GRID2: variants seen among roughly 807,000 people sequenced by gnomAD.
The protein encoded by GRID2 is glutamate receptor ionotropic, delta-2.
GRID2 carries 33 observed loss-of-function variants against 114.8 expected under a neutral mutation model. That is an observed-to-expected ratio of 0.29 (90% CI 0.22 to 0.38). The LOEUF is 0.38. Ranked by LOEUF, GRID2 falls within the 10% of genes least tolerant of loss-of-function variation. The pLI is 1.00. For synonymous variants in GRID2, 505 were observed against 449.9 expected, an observed-to-expected ratio of 1.12 and a Z score of -1.55; for missense variants, 1,184 against 1,257.7, an observed-to-expected ratio of 0.94 and a Z score of 0.89.
chr4:92,877,965 C>T (rs1745752273), intron 2 of GRID2, among the ~76,000 whole-genome samples: 1 of 152,060 alleles, frequency 6.6e-6, no homozygotes, highest in Non-Finnish European at 1.5e-5. Context: ...GTTTCTTGCT[C>T]CCCAGGTATT....
At chr4:93,101,508 G>A (rs1000811429) in intron 3 of GRID2, among the ~76,000 whole-genome samples, 9 of 152,006 alleles carry the variant, frequency 5.9e-5, no homozygotes, top group African/African-American at 2.2e-4. Flanking sequence ...TATCTGCTTA[G>A]ATGCTGACCA....
rs1752580213 is a variant in GRID2, at chr4:93,280,942, C to T, written c.1245+42452C>T. 2.6e-5 allele frequency among the ~76,000 whole-genome samples: 4 copies of T among 151,960 alleles called. No homozygotes were observed. In the South Asian group the frequency reaches 8.3e-4, roughly 32 times the overall value. ...CACAGAACACAGAATGTACAGAATACACAAAAATAAACAAAAATCCCTACC... is the reference window on the plus strand; with the variant it reads ...CACAGAACACAGAATGTACAGAATATACAAAAATAAACAAAAATCCCTACC... On this transcript the variant is annotated intron_variant, in intron 8 of 15. Coordinates refer to ENST00000282020, the MANE Select transcript of GRID2 (RefSeq NM_001510.4).
intron 1 of GRID2, among the ~76,000 whole-genome samples, chr4:92,411,651 G>GTATATATATATATATATATATA (rs1365702947): frequency 8.4e-4 from 81 of 96,192 alleles, no homozygotes; most frequent in Non-Finnish European, 1.2e-3. Flanking sequence ...GTGTGTGTGT[G>GTATATATATATATATATATATA]TGTGTATATA....
chr4:93,781,174 A>C (rs964779906), intron 1 of GRID2, among the ~76,000 whole-genome samples: 8 of 152,190 alleles, frequency 5.3e-5, no homozygotes, highest in African/African-American at 1.9e-4. Flanking sequence ...AAAGGATAGA[A>C]TTGAGAATCA....
chr4:93,559,767 G>A (rs1734701137), intron 13 of GRID2, among the ~76,000 whole-genome samples: 1 of 152,064 alleles, frequency 6.6e-6, no homozygotes, highest in African/African-American at 2.4e-5. Context: ...CTACTATAAA[G>A]ACACATGCAC....
At chr4:93,127,258 T>A (rs1734361744) in intron 4 of GRID2, among the ~76,000 whole-genome samples, 1 of 152,198 alleles carries the variant, frequency 6.6e-6, no homozygotes, top group African/African-American at 2.4e-5. Context: ...GTTACTTGGT[T>A]TCCAAGTGAC....
intron 2 of GRID2, among the ~76,000 whole-genome samples, chr4:92,914,646 C>T (rs942379097): frequency 6.6e-6 from 1 of 152,040 alleles, no homozygotes; most frequent in African/African-American, 2.4e-5. Flanking sequence ...ATTTAGTTCC[C>T]ACTTGTAAGT....
intron 2 of GRID2, among the ~76,000 whole-genome samples, chr4:92,634,879 A>AAGAG (rs70942918): frequency 4.3e-4 from 59 of 135,732 alleles, no homozygotes; most frequent in African/African-American, 6.4e-4. Context: ...GAGAGAGAGA[A>AAGAG]AGAGAGAGAG....
At chr4:92,798,761 G>T (rs911610607) in intron 2 of GRID2, among the ~76,000 whole-genome samples, 1 of 151,960 alleles carries the variant, frequency 6.6e-6, no homozygotes, top group Non-Finnish European at 1.5e-5. Context: ...ATAGATACAG[G>T]ACTGCAAAGT....
intron 2 of GRID2, among the ~76,000 whole-genome samples, chr4:92,714,769 G>A (rs185480191): frequency 2.2e-4 from 33 of 152,266 alleles, no homozygotes; most frequent in African/African-American, 7.5e-4. Flanking sequence ...CAGCTGGAGT[G>A]GCTAGGACAC....
chr4:92,372,703 G>A (rs1001268116), intron 1 of GRID2, among the ~76,000 whole-genome samples: 1 of 152,046 alleles, frequency 6.6e-6, no homozygotes, highest in Non-Finnish European at 1.5e-5. Flanking sequence ...TCCAAGGTAT[G>A]CCTGTTCTGT....
chr4:93,485,593 C>A (rs1726306593), intron 11 of GRID2, among the ~76,000 whole-genome samples: 1 of 151,628 alleles, frequency 6.6e-6, no homozygotes, highest in East Asian at 1.9e-4. Flanking sequence ...ATTTTTCATA[C>A]ATATATCTAA....
At chr4:93,161,883 C>G (rs1384185750) in intron 4 of GRID2, among the ~76,000 whole-genome samples, 2 of 151,636 alleles carry the variant, frequency 1.3e-5, no homozygotes, top group Non-Finnish European at 2.9e-5. Flanking sequence ...TTATTAATAT[C>G]TATAGTTATT....
At chr4:92,824,609 T>G (rs1371664798) in intron 2 of GRID2, among the ~76,000 whole-genome samples, 1 of 152,126 alleles carries the variant, frequency 6.6e-6, no homozygotes, top group Non-Finnish European at 1.5e-5. Context: ...AAATTATAAT[T>G]ATCAGACCCA....
intron 2 of GRID2, among the ~76,000 whole-genome samples, chr4:92,682,690 AC>A (rs1231710388): frequency 6.2e-5 from 9 of 145,950 alleles, no homozygotes; most frequent in South Asian, 4.9e-4. Flanking sequence ...GGGCACACAC[AC>A]ACACACACAC....
At chr4:93,587,775 T>C (rs894318348) in intron 13 of GRID2, among the ~76,000 whole-genome samples, 2 of 152,136 alleles carry the variant, frequency 1.3e-5, no homozygotes, top group Admixed American at 1.3e-4. Flanking sequence ...AGCCCTGTTA[T>C]AATTTTATGA....
chr4:93,354,661 G>T (rs1397902446), intron 8 of GRID2, among the ~76,000 whole-genome samples: 1 of 137,254 alleles, frequency 7.3e-6, no homozygotes, highest in Non-Finnish European at 1.5e-5. Flanking sequence ...CTCCCCTGGG[G>T]TGGCTCATCC....
chr4:93,468,546 C>T (rs1299702657), intron 11 of GRID2, among the ~76,000 whole-genome samples: 1 of 151,988 alleles, frequency 6.6e-6, no homozygotes, highest in Admixed American at 6.6e-5. Context: ...AAGGAATATA[C>T]TTTATAGATA....
intron 2 of GRID2, among the ~76,000 whole-genome samples, chr4:92,976,184 T>C (rs1753860389): frequency 6.6e-6 from 1 of 152,036 alleles, no homozygotes. Flanking sequence ...AATGATCTGG[T>C]CAAGTAAAAA....
Sources: gnomAD v4.1 joint callset for allele counts (sites outside exome capture counted in the v4.1 genomes callset) on GRCh38, gnomAD v4.1.1 for gene constraint, MANE v1.5 for transcripts, NCBI Gene and HGNC (gene_info 2026-07-23, HGNC 2026-07-21) for gene names.